The following SMOX variants were observed in gnomAD, a reference collection of about 807,000 sequenced individuals.
The protein encoded by SMOX is flavin containing amine oxidase.
In SMOX, 22 loss-of-function variants were observed where a neutral mutation model predicts 51.0. The observed-to-expected ratio is 0.43, with a 90% CI of 0.31 to 0.62. SMOX has a LOEUF of 0.62. SMOX is among the 20% of genes least tolerant of loss of function. The probability of loss-of-function intolerance (pLI) is 0.10; values close to 1 mark genes in which losing one functional copy is unlikely to be tolerated. For synonymous variants in SMOX, 282 were observed against 307.8 expected, an observed-to-expected ratio of 0.92 and a Z score of 0.88; for missense variants, 566 against 777.7, an observed-to-expected ratio of 0.73 and a Z score of 3.24.
chr20:4,154,368 T>A (rs1052940213), intron 1 of SMOX, among the ~76,000 whole-genome samples: 1 of 135,478 alleles, frequency 7.4e-6, no homozygotes, highest in African/African-American at 3.3e-5. Flanking sequence ...GACTCCGCAT[T>A]TCTTTCTTTC....
intron 6 of SMOX, among the ~76,000 whole-genome samples, chr20:4,186,148 T>A (rs1310181): frequency 0.73 from 110,499 of 150,400 alleles, 41,196 homozygotes; most frequent in African/African-American, 0.86. Context: ...ACAAAAAATT[T>A]AAAAAAAAAT....
chr20:4,158,198 C>A (rs547676005), intron 1 of SMOX, among the ~76,000 whole-genome samples: 3 of 152,164 alleles, frequency 2.0e-5, no homozygotes, highest in Non-Finnish European at 4.4e-5. Context: ...CAGCGCCGGT[C>A]GGGGTGTGGT....
intron 1 of SMOX, among the ~76,000 whole-genome samples, chr20:4,152,519 CA>C (rs201951737): frequency 0.053 from 8,013 of 152,030 alleles, 323 homozygotes; most frequent in East Asian, 0.22. Flanking sequence ...GACAGGGGGA[CA>C]GGGGTGGACT....
chr20:4,170,849 A>G lies in SMOX; in HGVS notation c.-26-4181A>G, dbSNP rs1986792728. On this transcript the variant is annotated intron_variant, in intron 1 of 6. Transcript: ENST00000305958. This position sits in a 1 kb window ranked among gnomAD's most constrained non-coding sequence, Gnocchi z 4.6. Reference sequence around the variant, plus strand: ...GGGGAGGCGGTGGCCTGCAGGCTGGAGAACTGGCTGCGTGGTATCTTGGAT... The same window carrying G: ...GGGGAGGCGGTGGCCTGCAGGCTGGGGAACTGGCTGCGTGGTATCTTGGAT... Among the ~76,000 whole-genome samples the G allele has an allele frequency of 6.6e-6, 1 of 152,098 alleles. No homozygotes were observed. The highest frequency in any genetic ancestry group is 1.5e-5 in the Non-Finnish European group (1 of 68,020).
chr20:4,150,754 T>C (rs1187980517), intron 1 of SMOX, among the ~76,000 whole-genome samples: 2 of 151,522 alleles, frequency 1.3e-5, no homozygotes, highest in African/African-American at 4.8e-5. Flanking sequence ...AAACTTAATA[T>C]GGATGAAACA....
chr20:4,176,434 G>A (rs1324705601), intron 2 of SMOX, among the ~76,000 whole-genome samples: 1 of 152,190 alleles, frequency 6.6e-6, no homozygotes, highest in Non-Finnish European at 1.5e-5. Flanking sequence ...ACGTTGCAAA[G>A]GGGTGTGTGT....
At position 4,183,756 on chromosome 20, in the gene SMOX, C is replaced by A; in HGVS notation, c.1530+102C>A. ...CTAGGGTAGTGTTCACTAAGGGGTG[C>A]TCAGGTGAGGCAGGGATGGAGTAGC... On this transcript the variant is annotated intron_variant, in intron 6 of 6. Coordinates refer to ENST00000305958, the MANE Select transcript of SMOX (RefSeq NM_175839.3). The surrounding 1 kb of genome is among the most constrained non-coding windows in gnomAD (Gnocchi z 4.3). 1 of 1,352,376 alleles carries A rather than the reference C, an allele frequency of 7.4e-7. No individual in the cohort carries two copies. The highest frequency in any genetic ancestry group is 9.7e-7 in the Non-Finnish European group (1 of 1,032,398). 83.8% of individuals were successfully genotyped at this position (1,352,376 alleles called of 1,614,324 possible). A position where few individuals can be genotyped will look rare whatever the true frequency, so the allele number is the denominator to read the frequency against.
Position 4,170,858 on chromosome 20 carries a change from T to C in SMOX, c.-26-4172T>C, listed in dbSNP as rs529747636. Among the ~76,000 whole-genome samples, 42 of 152,268 alleles carry C rather than the reference T, an allele frequency of 2.8e-4. No homozygotes were observed. The highest frequency in any genetic ancestry group is 9.6e-4 in the African/African-American group (40 of 41,568). On this transcript the variant is annotated intron_variant, in intron 1 of 6. Coordinates refer to ENST00000305958, the MANE Select transcript of SMOX (RefSeq NM_175839.3). This position sits in a 1 kb window ranked among gnomAD's most constrained non-coding sequence, Gnocchi z 4.6. Reference sequence around the variant, plus strand: ...GTGGCCTGCAGGCTGGAGAACTGGCTGCGTGGTATCTTGGATGAAATTGCC... The same window carrying C: ...GTGGCCTGCAGGCTGGAGAACTGGCCGCGTGGTATCTTGGATGAAATTGCC...
At chr20:4,159,125 AT>A (rs199956561) in intron 1 of SMOX, among the ~76,000 whole-genome samples, 4 of 151,528 alleles carry the variant, frequency 2.6e-5, no homozygotes, top group African/African-American at 9.7e-5. Flanking sequence ...TCTTCATTAG[AT>A]TTTTTTTTGT....
chr20:4,182,591 A>T lies in SMOX; in HGVS notation c.1112A>T (p.Glu371Val). Residue 371 changes from glutamate (E) to valine (V), a missense_variant, in exon 5 of 7, where the codon GAA becomes GTA. By Grantham distance (121) the Glu-to-Val change is moderately radical. Coordinates refer to ENST00000305958, the MANE Select transcript of SMOX (RefSeq NM_175839.3). This position sits in a 1 kb window ranked among gnomAD's most constrained non-coding sequence, Gnocchi z 8.4. ...GGCACCACCGACAAGATCTTTCTGG[A>T]ATTCGAGGAGCCCTTCTGGGGCCCT... ...GIGTTDKIFL[E>V]FEEPFWGPEC... is the part of the protein sequence containing the mutation. 1.9e-6 allele frequency: 3 copies of T among 1,613,924 alleles called. No individual in the cohort carries two copies. The highest frequency in any genetic ancestry group is 2.5e-6 in the Non-Finnish European group (3 of 1,179,978).
At chr20:4,162,246 A>C (rs13041799) in intron 1 of SMOX, among the ~76,000 whole-genome samples, 6 of 151,512 alleles carry the variant, frequency 4.0e-5, no homozygotes, top group Non-Finnish European at 5.9e-5. Context: ...CCCACTCCCC[A>C]CTCCCGACTC....
chr20:4,162,490 C>T lies in SMOX; in HGVS notation c.-26-12540C>T, dbSNP rs559462224. Among the ~76,000 whole-genome samples, 7 of 152,298 alleles carry T rather than the reference C, an allele frequency of 4.6e-5. No individual in the cohort carries two copies. In the East Asian group the frequency reaches 1.3e-3, roughly 29 times the overall value. On this transcript the variant is annotated intron_variant, in intron 1 of 6. Transcript: ENST00000305958. ...ACTTCTCTCTCCTGGGAATTTCCAC[C>T]CCCTCTTCCACCCTCCATTAGGTCT...
chr20:4,165,545 T>A (rs960844540), intron 1 of SMOX, among the ~76,000 whole-genome samples: 2 of 152,114 alleles, frequency 1.3e-5, no homozygotes, highest in Admixed American at 6.5e-5. Flanking sequence ...TGGAGGGGAA[T>A]TCAGAGTTGG....
chr20:4,183,627 G>T lies in SMOX; in HGVS notation c.1503G>T (p.Leu501=). ...ATGTGGAGAAGCTGGCCAAGCCCCT[G>T]CCGTACACAGAGAGCTCAAAGACAG... is the stretch of plus-strand genomic sequence containing the variant. ...GADVEKLAKP[L]PYTESSKTAP... is the part of the protein sequence containing the mutation. The change falls in exon 6 of 7, where the codon CTG becomes CTT. Residue 501 remains leucine (L), a synonymous_variant. Transcript: ENST00000305958. This position sits in a 1 kb window ranked among gnomAD's most constrained non-coding sequence, Gnocchi z 4.3. The T allele has an allele frequency of 6.3e-7, 1 of 1,595,928 alleles. No individual in the cohort carries two copies. Among genetic ancestry groups the T allele is most frequent in the Non-Finnish European group, 8.5e-7 (1 of 1,170,928 alleles).
Position 4,182,449 on chromosome 20 carries a change from C to G in SMOX, c.970C>G (p.Pro324Ala), listed in dbSNP as rs757789023. 1.9e-6 allele frequency: 3 copies of G among 1,599,680 alleles called. No homozygotes were observed. Among genetic ancestry groups the G allele is most frequent in the Non-Finnish European group, 2.6e-6 (3 of 1,172,174 alleles). The part of the protein sequence containing the change: ...VVECEDCELI[P>A]ADHVIVTVSL... Reference sequence around the variant, plus strand: ...GGAGTGCGAGGACTGTGAGCTGATCCCGGCGGACCATGTGATTGTGACCGT... The same window carrying G: ...GGAGTGCGAGGACTGTGAGCTGATCGCGGCGGACCATGTGATTGTGACCGT... The change falls in exon 5 of 7, where the codon CCG (proline) becomes GCG (alanine). Residue 324 changes from proline (P) to alanine (A), a missense_variant. This residue lies in a region of SMOX where 347 missense variants were observed against 481.8 expected (regional missense o/e 0.72). Coordinates refer to ENST00000305958, the MANE Select transcript of SMOX (RefSeq NM_175839.3). The surrounding 1 kb of genome is among the most constrained non-coding windows in gnomAD (Gnocchi z 8.4).
chr20:4,161,179 C>A (rs1296140573), intron 1 of SMOX, among the ~76,000 whole-genome samples: 1 of 152,218 alleles, frequency 6.6e-6, no homozygotes, highest in Non-Finnish European at 1.5e-5. Context: ...CCAGCTCACA[C>A]CTCCCAGGTG....
At chr20:4,157,366 G>A (rs1765010) in intron 1 of SMOX, among the ~76,000 whole-genome samples, 53,138 of 152,028 alleles carry the variant, frequency 0.35, 9,654 homozygotes, top group Admixed American at 0.44. Flanking sequence ...AGCAGAAAGC[G>A]GCACAAGGCT....
chr20:4,178,580 C>T (rs1340502226), intron 3 of SMOX, among the ~76,000 whole-genome samples: 1 of 152,120 alleles, frequency 6.6e-6, no homozygotes, highest in Non-Finnish European at 1.5e-5. Context: ...TAGGCCCTGT[C>T]ATCTGATAGC....
Position 4,148,853 on chromosome 20 carries a change from G to C in SMOX, c.-151G>C, listed in dbSNP as rs968517783. ...ACACAGGCCGCGGCGGCTGGCTCGG[G>C]CCCCTACGGTCCCGGCGGCGGCTGG... On this transcript the variant is annotated 5_prime_UTR_variant, in exon 1 of 7. Transcript: ENST00000305958. 2.0e-5 allele frequency: 3 copies of C among 152,698 alleles called. No homozygotes were observed. Among genetic ancestry groups the C allele is most frequent in the Non-Finnish European group, 2.9e-5 (2 of 68,602 alleles). 9.5% of individuals were successfully genotyped at this position (152,698 alleles called of 1,614,324 possible).
Sources: allele counts gnomAD v4.1 joint callset (sites outside exome capture counted in the v4.1 genomes callset), GRCh38; gene constraint gnomAD v4.1.1; regional missense constraint gnomAD v4.1.1; non-coding constraint Gnocchi (gnomAD v3.1); transcripts MANE v1.5; gene names NCBI Gene and HGNC (gene_info 2026-07-23, HGNC 2026-07-21).